Variants in ZNF232 observed in about 807,000 individuals in gnomAD.
The protein encoded by ZNF232 is zinc finger protein 232.
Under a neutral mutation model 25.2 loss-of-function variants are expected in ZNF232, and 25 were observed. The ratio of observed to expected loss-of-function variants is 0.99; its 90% CI spans 0.72 to 1.39. ZNF232 has a LOEUF of 1.39. ZNF232 is among the 40% of genes most tolerant of loss of function. The pLI is 0.00. For missense variants in ZNF232, 519 were observed against 520.9 expected (o/e 1.00, Z 0.04); for synonymous variants, 193 against 182.9 (o/e 1.06, Z -0.45).
chr17:5,106,842 ATGT>A (rs2072272064), intron 3 of ZNF232, among the ~76,000 whole-genome samples: 1 of 152,178 alleles, frequency 6.6e-6, no homozygotes, highest in African/African-American at 2.4e-5. Flanking sequence ...TCAGGGAATG[ATGT>A]TGTGAAGAAA....
exon 1 of ZNF232, chr17:5,123,047 C>G (rs1300490031): frequency 6.5e-6 from 1 of 153,394 alleles, no homozygotes; most frequent in Admixed American, 6.5e-5. Flanking sequence ...CTGCGCAGGG[C>G]TGGACCTGGG....
At chr17:5,106,854 A>T (rs1017963324) in intron 3 of ZNF232, among the ~76,000 whole-genome samples, 5 of 152,226 alleles carry the variant, frequency 3.3e-5, no homozygotes, top group African/African-American at 1.2e-4. Context: ...GTTGTGAAGA[A>T]AGGGAAAAAC....
chr17:5,111,888 G>T (rs2072424570), upstream of ZNF232: 2 of 1,603,166 alleles, frequency 1.2e-6, no homozygotes, highest in Non-Finnish European at 1.7e-6. Flanking sequence ...CGCCTGCGCA[G>T]GTCGCAGCCT....
chr17:5,105,797 C>A (rs2072245557), exon 4 of ZNF232: 4 of 1,530,580 alleles, frequency 2.6e-6, no homozygotes, highest in Non-Finnish European at 3.5e-6. Context: ...ATGTAGAATT[C>A]TGTCTGGAGA....
upstream of ZNF232, chr17:5,112,019 CGA>C: frequency 1.3e-6 from 1 of 773,390 alleles, no homozygotes. Context: ...TTGAGCGGAG[CGA>C]GAAAGAGCGC....
chr17:5,117,342 C>T (rs575969067), intron 1 of ZNF232, among the ~76,000 whole-genome samples: 1 of 152,050 alleles, frequency 6.6e-6, no homozygotes, highest in East Asian at 1.9e-4. Context: ...ATGGTGAAAC[C>T]CCCTCTCTAC....
chr17:5,119,492 G>A (rs2072604173), intron 1 of ZNF232, among the ~76,000 whole-genome samples: 1 of 152,164 alleles, frequency 6.6e-6, no homozygotes, highest in Non-Finnish European at 1.5e-5. Flanking sequence ...AAATTCACCT[G>A]GAAGCAAGCG....
chr17:5,110,013 C>T (rs2072362221), intron 1 of ZNF232, 145 bp from the exon 2 acceptor site: 1 of 765,278 alleles, frequency 1.3e-6, no homozygotes, highest in Non-Finnish European at 2.0e-6. Flanking sequence ...CCTCAGCCTC[C>T]CAAGTAGCTG....
intron 1 of ZNF232, chr17:5,121,262 C>T (rs545631874): frequency 6.0e-5 from 22 of 365,926 alleles, no homozygotes; most frequent in African/African-American, 3.0e-4. Context: ...TGTGCAGGTG[C>T]CTTTGGGGCC....
exon 2 of ZNF232, chr17:5,109,495 C>T (rs1421342445): frequency 6.2e-7 from 1 of 1,614,208 alleles, no homozygotes; most frequent in Non-Finnish European, 8.5e-7. Flanking sequence ...TGGAGCTCCT[C>T]AGGCAGGATG....
chr17:5,106,778 A>G (rs1245651950), intron 3 of ZNF232, among the ~76,000 whole-genome samples: 1 of 152,208 alleles, frequency 6.6e-6, no homozygotes, highest in East Asian at 1.9e-4. Flanking sequence ...TATTGAAAAA[A>G]TGAAAGCAAT....
At chr17:5,115,512 C>A (rs1287619395), upstream of ZNF232, among the ~76,000 whole-genome samples, 2 of 151,282 alleles carry the variant, frequency 1.3e-5, no homozygotes, top group Non-Finnish European at 2.9e-5. Context: ...GATGGCGCCA[C>A]TGCACTCCGG....
chr17:5,120,711 C>G (rs2072634409), intron 1 of ZNF232: 1 of 425,938 alleles, frequency 2.3e-6, no homozygotes, highest in Non-Finnish European at 4.7e-6. Context: ...GAGCTGGATC[C>G]TGAATGAGAT....
exon 4 of ZNF232, chr17:5,106,456 G>A (rs1597917206): frequency 4.3e-6 from 7 of 1,614,212 alleles, no homozygotes; most frequent in African/African-American, 2.7e-5. Context: ...GTAATGGGTG[G>A]TTGTGGCAAT....
upstream of ZNF232, among the ~76,000 whole-genome samples, chr17:5,116,199 G>A (rs1016533851): frequency 7.0e-5 from 10 of 141,958 alleles, no homozygotes; most frequent in African/African-American, 2.5e-4. Flanking sequence ...AGGAGGGGCC[G>A]CGGGCAGCGC....
chr17:5,106,354 T>G, exon 4 of ZNF232: 1 of 1,614,258 alleles, frequency 6.2e-7, no homozygotes, highest in South Asian at 1.1e-5. Context: ...TTGGGATTTC[T>G]CTGCTGCAGT....
Position 5,106,607 on chromosome 17 carries a change from T to C in ZNF232, c.626-101A>G, listed in dbSNP as rs2072267004. 2.4e-6 allele frequency: 3 copies of C among 1,245,116 alleles called. No homozygotes were observed. In the East Asian group the frequency reaches 7.2e-5, roughly 30 times the overall value. 77.1% of individuals were successfully genotyped at this position (1,245,116 alleles called of 1,614,324 possible). On this transcript the variant is annotated intron_variant, in intron 3 of 3. Coordinates refer to ENST00000575898, the Ensembl canonical transcript of ZNF232. ...ATGAAAACAAATGCTTAAAAACAAC[T>C]ATATATATGACAAACATTCGAAGAA...
upstream of ZNF232, among the ~76,000 whole-genome samples, chr17:5,115,576 A>ACACACACACACACACACACACC (rs1555584331): frequency 6.6e-6 from 1 of 150,742 alleles, no homozygotes; most frequent in South Asian, 2.1e-4. Context: ...ACACACACAC[A>ACACACACACACACACACACACC]AAACCCAAAA....
rs551756015 is a variant in ZNF232 at position 5,122,543 on chromosome 17, C to T, written c.-530+434G>A. Reference sequence around the variant, plus strand: ...TCTTAGTTCCTTGGCCCGCGTGCCACCCGGGAGGCCGAACCGGCCCCAGCC... The same window carrying T: ...TCTTAGTTCCTTGGCCCGCGTGCCATCCGGGAGGCCGAACCGGCCCCAGCC... On this transcript the variant is annotated intron_variant, in intron 1 of 4. Coordinates refer to the ZNF232 transcript ENST00000250076. Among the ~76,000 whole-genome samples the T allele has an allele frequency of 3.3e-5, 5 of 152,378 alleles. No individual in the cohort carries two copies. In the South Asian group the frequency reaches 6.2e-4, roughly 19 times the overall value.
Sources: allele counts gnomAD v4.1 joint callset (sites outside exome capture counted in the v4.1 genomes callset), GRCh38; gene constraint gnomAD v4.1.1; transcripts MANE v1.5; gene names NCBI Gene and HGNC (gene_info 2026-07-23, HGNC 2026-07-21).